Variants in CAPS2 observed in about 807,000 individuals in gnomAD.
CAPS2 encodes the protein calcyphosine 2.
CAPS2 carries 98 observed loss-of-function variants against 86.5 expected under a neutral mutation model. The ratio of observed to expected loss-of-function variants is 1.13; its 90% CI spans 0.96 to 1.34. CAPS2 has a LOEUF of 1.34. CAPS2 is among the 40% of genes most tolerant of loss of function. The probability of loss-of-function intolerance (pLI) is 0.00; values close to 1 mark genes in which losing one functional copy is unlikely to be tolerated. For synonymous variants in CAPS2, 210 were observed against 225.1 expected (o/e 0.93, Z 0.60); for missense variants, 729 against 686.8 (o/e 1.06, Z -0.69).
chr12:75,301,273 T>C (rs145430285), intron 8 of CAPS2, among the ~76,000 whole-genome samples: 2 of 152,324 alleles, frequency 1.3e-5, no homozygotes, highest in East Asian at 3.9e-4. Flanking sequence ...ACTGGGATCT[T>C]GAAAGCTACA....
chr12:75,329,961 G>A (rs915596248), upstream of CAPS2: 1 of 1,100,458 alleles, frequency 9.1e-7, no homozygotes, highest in Non-Finnish European at 1.3e-6. Context: ...TCCAGAGTTA[G>A]AAGAGTTGGA....
exon 9 of CAPS2, chr12:75,299,887 A>G (rs1376579072): frequency 4.6e-6 from 7 of 1,518,010 alleles, no homozygotes; most frequent in Admixed American, 3.7e-5. Context: ...GCACATTTTC[A>G]GTTAATGTAG....
At chr12:75,366,966 C>T (rs2044010439) in intron 1 of CAPS2, 1 of 701,586 alleles carries the variant, frequency 1.4e-6, no homozygotes, top group South Asian at 1.5e-5. Flanking sequence ...CAAGGGGCAG[C>T]TTGCAGCTTG....
At chr12:75,298,472 A>G (rs2037269864) in intron 11 of CAPS2, 1 of 508,290 alleles carries the variant, frequency 2.0e-6, no homozygotes, top group Non-Finnish European at 3.5e-6. Context: ...GTGTTACAGA[A>G]AATAAATGAT....
At chr12:75,316,498 T>C in intron 5 of CAPS2, 64 bp from the exon 6 acceptor site, 5 of 1,379,952 alleles carry the variant, frequency 3.6e-6, no homozygotes, top group Non-Finnish European at 4.8e-6. Flanking sequence ...TTTAACAAAA[T>C]ATGGGAATAG....
intron 5 of CAPS2, among the ~76,000 whole-genome samples, chr12:75,321,126 C>T (rs765506219): frequency 3.9e-5 from 6 of 151,942 alleles, no homozygotes; most frequent in African/African-American, 7.2e-5. Context: ...TCCCAAGGTA[C>T]GTGAAAAACT....
exon 13 of CAPS2, chr12:75,291,764 A>T: frequency 6.4e-7 from 1 of 1,567,282 alleles, no homozygotes; most frequent in Non-Finnish European, 8.7e-7. Flanking sequence ...TTTGAAGACC[A>T]GCCTATCATT....
chr12:75,313,921 T>A (rs1351939698), intron 6 of CAPS2, among the ~76,000 whole-genome samples: 2 of 152,148 alleles, frequency 1.3e-5, no homozygotes, highest in Admixed American at 6.5e-5. Context: ...CTAAATTTAG[T>A]TTTTTTGGCT....
intron 14 of CAPS2, 144 bp downstream of exon 14, chr12:75,289,477 G>A (rs2035470580): frequency 3.0e-6 from 2 of 659,524 alleles, no homozygotes; most frequent in Admixed American, 6.6e-5. Context: ...AAAACCAACA[G>A]GGCTTGTAAC....
chr12:75,381,683 C>T (rs1331645197), intron 1 of CAPS2, among the ~76,000 whole-genome samples: 4 of 143,534 alleles, frequency 2.8e-5, no homozygotes, highest in African/African-American at 1.0e-4. Flanking sequence ...GGCACAATCT[C>T]GGCCCGCTGC....
chr12:75,353,064 C>A (rs977235809), intron 1 of CAPS2, among the ~76,000 whole-genome samples: 4 of 152,028 alleles, frequency 2.6e-5, no homozygotes, highest in South Asian at 4.1e-4. Context: ...AAATTGACAT[C>A]CTAACATCAT....
In CAPS2 at chr12:75,289,604, T is replaced by C; in HGVS notation, c.1395+17A>G. ...ATAACATATTATCTGCTGCAGAGAATTTTCTGTAGCACATACCTTTTCAGA... is the reference window on the plus strand; with the variant it reads ...ATAACATATTATCTGCTGCAGAGAACTTTCTGTAGCACATACCTTTTCAGA... On this transcript the variant is annotated intron_variant, in intron 14 of 16. Transcript: ENST00000393284. The C allele has an allele frequency of 6.3e-7, 1 of 1,591,658 alleles. No individual in the cohort carries two copies. Among genetic ancestry groups the C allele is most frequent in the South Asian group, 1.2e-5 (1 of 86,874 alleles).
chr12:75,366,849 T>C, intron 1 of CAPS2: 2 of 700,700 alleles, frequency 2.9e-6, no homozygotes, highest in South Asian at 3.0e-5. Context: ...TATATGCATT[T>C]CTTGAATGAG....
intron 1 of CAPS2, chr12:75,390,176 A>G (rs1025729672): frequency 8.1e-6 from 3 of 371,514 alleles, no homozygotes; most frequent in African/African-American, 6.4e-5. Flanking sequence ...CCATGCTTAG[A>G]ATTTAAAGTC....
chr12:75,380,761 T>A (rs894119150), intron 1 of CAPS2, among the ~76,000 whole-genome samples: 1 of 152,180 alleles, frequency 6.6e-6, no homozygotes, highest in African/African-American at 2.4e-5. Context: ...ATGAGGTAGA[T>A]GCTATTAATT....
At chr12:75,296,541 C>G (rs1167772343) in intron 11 of CAPS2, among the ~76,000 whole-genome samples, 3 of 152,196 alleles carry the variant, frequency 2.0e-5, no homozygotes. Flanking sequence ...ATCTGCCCCC[C>G]TCGGCCTCCC....
intron 1 of CAPS2, among the ~76,000 whole-genome samples, chr12:75,355,015 A>C (rs182249357): frequency 3.3e-4 from 51 of 152,314 alleles, no homozygotes; most frequent in African/African-American, 1.1e-3. Context: ...AAAACCCAAA[A>C]CTATAAAAAC....
chr12:75,349,488 A>G (rs1179991936), intron 1 of CAPS2, among the ~76,000 whole-genome samples: 1 of 152,216 alleles, frequency 6.6e-6, no homozygotes, highest in African/African-American at 2.4e-5. Context: ...GGAAAAAAAT[A>G]AGACATAAGA....
chr12:75,287,664 C>G, intron 14 of CAPS2, among the ~76,000 whole-genome samples: 1 of 152,280 alleles, frequency 6.6e-6, no homozygotes, highest in African/African-American at 2.4e-5. Context: ...CATGAAAGCT[C>G]TGCACTCTTT....
Sources: allele counts gnomAD v4.1 joint callset (sites outside exome capture counted in the v4.1 genomes callset), GRCh38; gene constraint gnomAD v4.1.1; transcripts MANE v1.5; gene names NCBI Gene and HGNC (gene_info 2026-07-23, HGNC 2026-07-21).